Variants in IQSEC1 observed in about 807,000 individuals in gnomAD.
IQSEC1 encodes the protein IQ motif and Sec7 domain ArfGEF 1, also known as IQ motif and SEC7 domain-containing protein 1.
In IQSEC1, 31 loss-of-function variants were observed where a neutral mutation model predicts 91.0. That is an observed-to-expected ratio of 0.34 (90% CI 0.26 to 0.46). The LOEUF is 0.46. Ranked by LOEUF, IQSEC1 falls within the 20% of genes least tolerant of loss-of-function variation. The pLI is 1.00. For missense variants in IQSEC1, 1,388 were observed against 1,575.6 expected (o/e 0.88, Z 2.02); for synonymous variants, 699 against 662.6 (o/e 1.05, Z -0.84).
intron 1 of IQSEC1, among the ~76,000 whole-genome samples, chr3:13,054,576 G>A (rs996459318): frequency 1.3e-5 from 2 of 152,228 alleles, no homozygotes; most frequent in African/African-American, 4.8e-5. Flanking sequence ...CCAGCAAGAA[G>A]GGAGCCTAAC....
chr3:12,949,930 A>C (rs912709940), intron 1 of IQSEC1, among the ~76,000 whole-genome samples: 1 of 152,210 alleles, frequency 6.6e-6, no homozygotes, highest in Non-Finnish European at 1.5e-5. Context: ...AGTTTTGAAC[A>C]GTTCAGCAAT....
rs143194882 is a variant in IQSEC1, at chr3:12,951,578, G to A, written c.24-9713C>T. 9.9e-4 allele frequency among the ~76,000 whole-genome samples: 151 copies of A among 152,344 alleles called. 2 individuals carry two copies. Among genetic ancestry groups the A allele is most frequent in the Admixed American group, 5.0e-3 (76 of 15,294 alleles). On this transcript the variant is annotated intron_variant, in intron 1 of 13. Transcript: ENST00000613206. ...CATACCCACTTCTCTAGTCTTGAGC[G>A]GAGGCAGCATCCCCACTGATGCCTA...
chr3:12,947,510 C>T (rs1699263137), intron 1 of IQSEC1, among the ~76,000 whole-genome samples: 1 of 151,610 alleles, frequency 6.6e-6, no homozygotes, highest in African/African-American at 2.4e-5. Flanking sequence ...AGTCCATCTG[C>T]ACCATGGAGG....
At chr3:12,959,967 A>G (rs1225002674) in intron 1 of IQSEC1, among the ~76,000 whole-genome samples, 1 of 151,954 alleles carries the variant, frequency 6.6e-6, no homozygotes, top group East Asian at 1.9e-4. Context: ...GAGAACAGTC[A>G]ATGGCCCAGA....
intron 12 of IQSEC1, among the ~76,000 whole-genome samples, chr3:12,906,596 C>T (rs966022279): frequency 3.3e-5 from 5 of 152,218 alleles, no homozygotes; most frequent in South Asian, 2.1e-4. Context: ...CCCTATTGTC[C>T]GTCTGAGCTC....
chr3:13,041,858 A>G (rs1184852527), intron 1 of IQSEC1, among the ~76,000 whole-genome samples: 1 of 151,902 alleles, frequency 6.6e-6, no homozygotes, highest in Non-Finnish European at 1.5e-5. Flanking sequence ...TGACCAGGGG[A>G]CCCCCAACTC....
intron 1 of IQSEC1, among the ~76,000 whole-genome samples, chr3:13,248,705 T>C (rs1027292436): frequency 6.6e-6 from 1 of 152,240 alleles, no homozygotes. Context: ...TAGCACCTGG[T>C]GTGGCTGACA....
At position 12,900,639 on chromosome 3, in the gene IQSEC1, T is replaced by G. The variant is rs188475652; in HGVS notation, c.*344A>C. 411 of 1,126,266 alleles carry G rather than the reference T, an allele frequency of 3.6e-4. No homozygotes were observed. The African/African-American group carries it at 6.3e-3, about 17-fold the overall frequency. The allele number at this position is 1,126,266 out of a possible 1,614,324, so 69.8% of individuals were successfully genotyped here. A position where few individuals can be genotyped will look rare whatever the true frequency, so the allele number is the denominator to read the frequency against. ...CTTCGTTTTCTAGGTTGGGTTTTCA[T>G]ATGCATGTACATTAGGGCACAGGGA... On this transcript the variant is annotated 3_prime_UTR_variant, in exon 14 of 14. Coordinates refer to ENST00000613206, the MANE Select transcript of IQSEC1 (RefSeq NM_001134382.3).
upstream of IQSEC1, among the ~76,000 whole-genome samples, chr3:13,078,380 G>C (rs2125125037): frequency 6.6e-6 from 1 of 152,274 alleles, no homozygotes; most frequent in Non-Finnish European, 1.5e-5. Context: ...CTAAATCAGA[G>C]ATGCTGGGCC....
At chr3:13,084,884 G>A (rs747768169) in intron 2 of IQSEC1, among the ~76,000 whole-genome samples, 3 of 150,686 alleles carry the variant, frequency 2.0e-5, no homozygotes, top group Non-Finnish European at 4.4e-5. Context: ...AGTGATAAGG[G>A]CAGCCTGGGC....
chr3:13,088,320 G>A (rs963037886), intron 2 of IQSEC1, among the ~76,000 whole-genome samples: 7 of 152,160 alleles, frequency 4.6e-5, no homozygotes, highest in African/African-American at 1.2e-4. Context: ...TGCTGACGAC[G>A]CCCTCGCTTG....
chr3:12,943,138 G>T (rs1440134156), intron 1 of IQSEC1, among the ~76,000 whole-genome samples: 1 of 152,174 alleles, frequency 6.6e-6, no homozygotes, highest in Non-Finnish European at 1.5e-5. Flanking sequence ...GCCTACAGGG[G>T]GTGCCAGGAT....
At chr3:13,032,614 C>T (rs1272067074) in intron 1 of IQSEC1, among the ~76,000 whole-genome samples, 11 of 150,486 alleles carry the variant, frequency 7.3e-5, no homozygotes, top group East Asian at 3.9e-4. Context: ...GATGGAGTCT[C>T]GCTCTGTCGC....
At chr3:12,961,770 G>C (rs576957741) in intron 1 of IQSEC1, among the ~76,000 whole-genome samples, 1 of 152,340 alleles carries the variant, frequency 6.6e-6, no homozygotes, top group East Asian at 1.9e-4. Flanking sequence ...ACTATGCACT[G>C]TTGAAGCACT....
intron 1 of IQSEC1, among the ~76,000 whole-genome samples, chr3:13,236,082 C>T (rs1002675427): frequency 6.6e-6 from 1 of 152,036 alleles, no homozygotes; most frequent in Non-Finnish European, 1.5e-5. Context: ...CGGGCCCTGG[C>T]GCCGTGCCAG....
intron 1 of IQSEC1, among the ~76,000 whole-genome samples, chr3:13,198,263 T>C (rs1419250456): frequency 2.0e-5 from 3 of 152,066 alleles, no homozygotes; most frequent in Non-Finnish European, 4.4e-5. Flanking sequence ...TATGGCCCAT[T>C]TGTGGGCTTT....
chr3:13,229,992 G>A (rs1036202287), intron 1 of IQSEC1, among the ~76,000 whole-genome samples: 1 of 152,212 alleles, frequency 6.6e-6, no homozygotes, highest in Non-Finnish European at 1.5e-5. Flanking sequence ...TGGTATACAG[G>A]AAATATGAGG....
intron 2 of IQSEC1, among the ~76,000 whole-genome samples, chr3:13,088,758 C>CA (rs1305835001): frequency 6.6e-6 from 1 of 152,250 alleles, no homozygotes; most frequent in Non-Finnish European, 1.5e-5. Context: ...TGGCCTGTTG[C>CA]AGTTTCTCCA....
At chr3:13,079,550 G>T (rs1339356041) in intron 2 of IQSEC1, among the ~76,000 whole-genome samples, 1 of 152,180 alleles carries the variant, frequency 6.6e-6, no homozygotes, top group Non-Finnish European at 1.5e-5. Flanking sequence ...TGCCAGTGTC[G>T]TGGAGACAGA....
Sources: allele counts gnomAD v4.1 joint callset (sites outside exome capture counted in the v4.1 genomes callset), GRCh38; gene constraint gnomAD v4.1.1; transcripts MANE v1.5; gene names NCBI Gene and HGNC (gene_info 2026-07-23, HGNC 2026-07-21).